MYPN: variants seen among roughly 807,000 people sequenced by gnomAD.
MYPN encodes the protein myopalladin, also known as sarcomeric protein myopalladin, 145 kDa (MYOP).
In MYPN, 63 loss-of-function variants were observed where a neutral mutation model predicts 129.4. The observed-to-expected ratio is 0.49, with a 90% CI of 0.40 to 0.60. MYPN has a LOEUF of 0.60. Ranked by LOEUF, MYPN falls within the 20% of genes least tolerant of loss-of-function variation. The pLI is 0.00. For synonymous variants in MYPN, 629 were observed against 600.9 expected (o/e 1.05, Z -0.68); for missense variants, 1,596 against 1,635.4 (o/e 0.98, Z 0.42).
At chr10:68,095,004 T>C (rs1345438238) in intron 1 of MYPN, among the ~76,000 whole-genome samples, 1 of 152,156 alleles carries the variant, frequency 6.6e-6, no homozygotes, top group Non-Finnish European at 1.5e-5. Flanking sequence ...GAGGTTGCAG[T>C]GAGCCAAGAT....
chr10:68,197,601 G>C, intron 16 of MYPN, 123 bp downstream of exon 16: 2 of 1,188,644 alleles, frequency 1.7e-6, no homozygotes, highest in Non-Finnish European at 2.4e-6. Flanking sequence ...GGGGAAGGGA[G>C]ACAGATCACT....
intron 1 of MYPN, among the ~76,000 whole-genome samples, chr10:68,099,338 C>T (rs1056044974): frequency 6.6e-6 from 1 of 152,104 alleles, no homozygotes; most frequent in African/African-American, 2.4e-5. Flanking sequence ...ATTTCAAGGG[C>T]AGGAGTGTTG....
intron 5 of MYPN, among the ~76,000 whole-genome samples, chr10:68,149,525 C>G (rs972130283): frequency 6.6e-6 from 1 of 152,084 alleles, no homozygotes; most frequent in Non-Finnish European, 1.5e-5. Context: ...GTCTTGAACC[C>G]TGGCCTCAAG....
intron 1 of MYPN, among the ~76,000 whole-genome samples, chr10:68,091,393 CTTT>C (rs11301512): frequency 2.8e-5 from 3 of 106,750 alleles, no homozygotes; most frequent in Admixed American, 1.1e-4. Context: ...GACTACAGCC[CTTT>C]TTTTTTTTTT....
intron 2 of MYPN, among the ~76,000 whole-genome samples, chr10:68,140,388 G>T (rs1296798007): frequency 6.6e-6 from 1 of 152,158 alleles, no homozygotes; most frequent in East Asian, 1.9e-4. Context: ...GAGCATCCAA[G>T]ACACTGTCCT....
chr10:68,115,754 T>C (rs917985695), intron 1 of MYPN, among the ~76,000 whole-genome samples: 1 of 152,238 alleles, frequency 6.6e-6, no homozygotes, highest in Non-Finnish European at 1.5e-5. Flanking sequence ...TGCAAGACCT[T>C]AAATGATCTG....
At chr10:68,116,638 A>T (rs910677953) in intron 1 of MYPN, among the ~76,000 whole-genome samples, 4 of 152,164 alleles carry the variant, frequency 2.6e-5, no homozygotes, top group African/African-American at 9.7e-5. Context: ...TGGGAGGCTG[A>T]GGCAGGAGAA....
At chr10:68,170,587 A>G (rs984945389) in intron 10 of MYPN, among the ~76,000 whole-genome samples, 5 of 152,112 alleles carry the variant, frequency 3.3e-5, no homozygotes, top group African/African-American at 1.2e-4. Context: ...TTTGCTATTC[A>G]TATGGAAAAT....
intron 11 of MYPN, among the ~76,000 whole-genome samples, chr10:68,174,994 G>T (rs763269793): frequency 7.2e-5 from 11 of 151,898 alleles, no homozygotes; most frequent in Non-Finnish European, 1.3e-4. Flanking sequence ...AAAATTAGCT[G>T]GGCGTGTTGG....
intron 2 of MYPN, among the ~76,000 whole-genome samples, chr10:68,127,902 T>C (rs564139463): frequency 6.6e-6 from 1 of 152,324 alleles, no homozygotes; most frequent in East Asian, 1.9e-4. Flanking sequence ...GAAAATATAA[T>C]AAGCATACTG....
At chr10:68,103,575 A>AT (rs2041992227), upstream of MYPN, among the ~76,000 whole-genome samples, 1 of 152,172 alleles carries the variant, frequency 6.6e-6, no homozygotes, top group Admixed American at 6.5e-5. Context: ...GTGAGTTCTG[A>AT]TTTTTGAACT....
At chr10:68,172,501 T>C (rs946255224) in intron 10 of MYPN, among the ~76,000 whole-genome samples, 3 of 152,252 alleles carry the variant, frequency 2.0e-5, no homozygotes, top group Non-Finnish European at 2.9e-5. Context: ...AATGACTTTA[T>C]GCATATATGA....
At chr10:68,185,708 G>T (rs916341707) in intron 12 of MYPN, among the ~76,000 whole-genome samples, 6 of 152,034 alleles carry the variant, frequency 3.9e-5, no homozygotes, top group African/African-American at 1.4e-4. Flanking sequence ...CATGGTAAGG[G>T]AATAAAATGA....
chr10:68,159,502 C>A (rs796731395), intron 7 of MYPN, among the ~76,000 whole-genome samples: 2 of 152,238 alleles, frequency 1.3e-5, no homozygotes, highest in African/African-American at 4.8e-5. Flanking sequence ...TTCTTTATTT[C>A]ACATTGGGTT....
At chr10:68,090,114 G>A (rs766467155) in intron 1 of MYPN, among the ~76,000 whole-genome samples, 2 of 151,998 alleles carry the variant, frequency 1.3e-5, no homozygotes, top group Non-Finnish European at 2.9e-5. Flanking sequence ...CTACAGAGCA[G>A]ATTTGAAAAA....
At chr10:68,162,344 T>A (rs1012407010) in intron 8 of MYPN, among the ~76,000 whole-genome samples, 1 of 152,198 alleles carries the variant, frequency 6.6e-6, no homozygotes, top group African/African-American at 2.4e-5. Context: ...TGGCCGCCAT[T>A]TGAGCCCTCT....
chr10:68,169,722 A>G (rs2043115897), intron 10 of MYPN, among the ~76,000 whole-genome samples: 1 of 150,970 alleles, frequency 6.6e-6, no homozygotes, highest in South Asian at 2.1e-4. Flanking sequence ...AGAAGGGACA[A>G]TGGGCAGAAG....
intron 2 of MYPN, among the ~76,000 whole-genome samples, chr10:68,128,281 T>C (rs2134015641): frequency 6.6e-6 from 1 of 152,356 alleles, no homozygotes; most frequent in South Asian, 2.1e-4. Flanking sequence ...GGTAACTCTA[T>C]GTTTGCTTGT....
intron 1 of MYPN, among the ~76,000 whole-genome samples, chr10:68,115,166 G>A (rs952333720): frequency 1.3e-5 from 2 of 151,672 alleles, no homozygotes; most frequent in African/African-American, 2.4e-5. Flanking sequence ...GGCTGAGGCA[G>A]GTGAGTTGCT....
Sources: gnomAD v4.1 joint callset for allele counts (sites outside exome capture counted in the v4.1 genomes callset) on GRCh38, gnomAD v4.1.1 for gene constraint, MANE v1.5 for transcripts, NCBI Gene and HGNC (gene_info 2026-07-23, HGNC 2026-07-21) for gene names.